Variants in IL1RAPL2 observed in about 807,000 individuals in gnomAD.
IL1RAPL2 encodes interleukin 1 receptor accessory protein like 2, also known as X-linked interleukin-1 receptor accessory protein-like 2.
Under a neutral mutation model 44.1 loss-of-function variants are expected in IL1RAPL2, and 3 were observed. The ratio of observed to expected loss-of-function variants is 0.07; its 90% CI spans 0.03 to 0.18. The LOEUF (loss-of-function observed/expected upper bound fraction) is 0.18. IL1RAPL2 is among the 10% of genes least tolerant of loss of function. The pLI is 1.00. For synonymous variants in IL1RAPL2, 181 were observed against 178.8 expected, an observed-to-expected ratio of 1.01 and a Z score of -0.10; for missense variants, 391 against 496.4, an observed-to-expected ratio of 0.79 and a Z score of 2.02.
At chrX:105,441,570 C>T (rs964932548) in intron 5 of IL1RAPL2, among the ~76,000 whole-genome samples, 1 of 111,856 alleles carries the variant, frequency 8.9e-6, no homozygotes, top group African/African-American at 3.2e-5. Flanking sequence ...TGAATGAACC[C>T]AGACCTCTCT....
At chrX:105,596,195 C>T (rs1373162659) in intron 6 of IL1RAPL2, among the ~76,000 whole-genome samples, 1 of 108,569 alleles carries the variant, frequency 9.2e-6, no homozygotes, top group African/African-American at 3.4e-5. Flanking sequence ...GGTTCTTTTA[C>T]TTTTGCTATT....
At chrX:104,751,114 T>C (rs752015302) in intron 2 of IL1RAPL2, among the ~76,000 whole-genome samples, 54 of 111,638 alleles carry the variant, frequency 4.8e-4, no homozygotes, top group African/African-American at 1.7e-3. Context: ...TGACCACTGA[T>C]GAAAATGGGA....
chrX:105,091,527 C>T (rs1199604021), intron 2 of IL1RAPL2, among the ~76,000 whole-genome samples: 3 of 110,781 alleles, frequency 2.7e-5, no homozygotes, highest in Non-Finnish European at 3.8e-5. Context: ...AACCCTAGCC[C>T]AAAGCAAACC....
At chrX:104,972,625 A>G (rs2030258375) in intron 2 of IL1RAPL2, among the ~76,000 whole-genome samples, 1 of 111,680 alleles carries the variant, frequency 9.0e-6, no homozygotes, top group African/African-American at 3.3e-5. Context: ...AATATTTACT[A>G]TAGAGTTTTG....
chrX:105,692,820 A>G (rs1020911721), intron 6 of IL1RAPL2, among the ~76,000 whole-genome samples: 7 of 111,742 alleles, frequency 6.3e-5, no homozygotes, highest in African/African-American at 2.3e-4. Context: ...ATTCCATTTT[A>G]GATAGATTGC....
chrX:105,137,569 A>C (rs2033087713), intron 2 of IL1RAPL2, among the ~76,000 whole-genome samples: 1 of 112,052 alleles, frequency 8.9e-6, no homozygotes, highest in Non-Finnish European at 1.9e-5. Context: ...TAAAAATGCA[A>C]CTCTGTAATG....
intron 2 of IL1RAPL2, among the ~76,000 whole-genome samples, chrX:104,747,252 C>T (rs1255071525): frequency 5.4e-5 from 6 of 111,401 alleles, no homozygotes; most frequent in Non-Finnish European, 9.5e-5. Context: ...GAAACTTCAG[C>T]TCAAAGCAAT....
At chrX:104,569,212 T>C (rs2147987920) in intron 1 of IL1RAPL2, among the ~76,000 whole-genome samples, 1 of 111,967 alleles carries the variant, frequency 8.9e-6, no homozygotes, top group Non-Finnish European at 1.9e-5. Context: ...TAGCCTCTGC[T>C]TCCCTCTCTG....
At position 104,871,538 on chromosome X, in the gene IL1RAPL2, C is replaced by A. The variant is rs1242659523; in HGVS notation, c.82+212543C>A. Among the ~76,000 whole-genome samples the A allele has an allele frequency of 9.9e-5, 11 of 111,432 alleles. No individual in the cohort carries two copies. The Admixed American group carries it at 1.1e-3, about 11-fold the overall frequency. ...TTCCTTACCATGGGTTCTGAATTACCTTTCCATTGTTCTAAAATTCTAAGA... is the reference window on the plus strand; with the variant it reads ...TTCCTTACCATGGGTTCTGAATTACATTTCCATTGTTCTAAAATTCTAAGA... On this transcript the variant is annotated intron_variant, in intron 2 of 10. Transcript: ENST00000372582.
At chrX:104,626,356 C>T (rs1047872243) in intron 1 of IL1RAPL2, among the ~76,000 whole-genome samples, 1 of 105,475 alleles carries the variant, frequency 9.5e-6, no homozygotes, top group Non-Finnish European at 1.9e-5. Flanking sequence ...CTTTTATGAC[C>T]CTGAGGCATA....
chrX:105,188,339 C>A (rs1342174524), intron 2 of IL1RAPL2, among the ~76,000 whole-genome samples: 1 of 111,127 alleles, frequency 9.0e-6, no homozygotes, highest in East Asian at 2.9e-4. Flanking sequence ...TGCTACTACC[C>A]TGTCTCCCAC....
chrX:105,104,132 T>C (rs1602956056), intron 2 of IL1RAPL2, among the ~76,000 whole-genome samples: 1 of 111,536 alleles, frequency 9.0e-6, no homozygotes, highest in East Asian at 2.8e-4. Context: ...AGTTGTGGGC[T>C]GAGCAGAACT....
intron 5 of IL1RAPL2, among the ~76,000 whole-genome samples, chrX:105,313,184 T>G (rs1210661782): frequency 1.8e-5 from 2 of 111,867 alleles, no homozygotes; most frequent in Non-Finnish European, 3.8e-5. Context: ...TCTTTCTCTT[T>G]TTTTGCTATC....
intron 2 of IL1RAPL2, among the ~76,000 whole-genome samples, chrX:104,901,862 A>T (rs1428713747): frequency 1.8e-5 from 2 of 111,916 alleles, no homozygotes; most frequent in African/African-American, 3.2e-5. Flanking sequence ...CAATGTGTGT[A>T]TAGTATTTGT....
At chrX:105,140,068 A>G (rs1486473038) in intron 2 of IL1RAPL2, among the ~76,000 whole-genome samples, 1 of 112,217 alleles carries the variant, frequency 8.9e-6, no homozygotes, top group Non-Finnish European at 1.9e-5. Flanking sequence ...AATAAAATTG[A>G]TGACCTCCGA....
intron 6 of IL1RAPL2, among the ~76,000 whole-genome samples, chrX:105,576,905 C>T (rs2037054241): frequency 9.0e-6 from 1 of 111,585 alleles, no homozygotes; most frequent in Non-Finnish European, 1.9e-5. Context: ...ATAAAGTTTG[C>T]ACTTTTTTCT....
intron 2 of IL1RAPL2, among the ~76,000 whole-genome samples, chrX:104,861,362 T>A (rs1490759359): frequency 3.6e-5 from 4 of 111,613 alleles, no homozygotes; most frequent in Non-Finnish European, 7.6e-5. Context: ...AATATGTAAA[T>A]AAAATACATT....
intron 5 of IL1RAPL2, among the ~76,000 whole-genome samples, chrX:105,368,992 A>G (rs975433734): frequency 8.3e-5 from 9 of 108,671 alleles, no homozygotes; most frequent in African/African-American, 3.0e-4. Flanking sequence ...CATTTAGTTA[A>G]TATATTCTTT....
At chrX:105,650,771 T>C (rs1481088308) in intron 6 of IL1RAPL2, among the ~76,000 whole-genome samples, 1 of 111,928 alleles carries the variant, frequency 8.9e-6, no homozygotes, top group Non-Finnish European at 1.9e-5. Flanking sequence ...AACATAACCT[T>C]TGCCTGAGGC....
Sources: allele counts gnomAD v4.1 joint callset (sites outside exome capture counted in the v4.1 genomes callset), GRCh38; gene constraint gnomAD v4.1.1; transcripts MANE v1.5; gene names NCBI Gene and HGNC (gene_info 2026-07-23, HGNC 2026-07-21).